Variants in AP2B1 observed in about 807,000 individuals in gnomAD.
AP2B1 encodes AP-2 complex subunit beta.
A neutral mutation model predicts 102.0 loss-of-function variants in AP2B1; 23 were observed. The observed-to-expected ratio is 0.23, with a 90% confidence interval of 0.16 to 0.32. The LOEUF is 0.32. Ranked by LOEUF, AP2B1 falls within the 10% of genes least tolerant of loss-of-function variation. The probability of loss-of-function intolerance (pLI) is 1.00; values close to 1 mark genes in which losing one functional copy is unlikely to be tolerated. For missense variants in AP2B1, 541 were observed against 1,157.4 expected, an observed-to-expected ratio of 0.47 and a Z score of 7.73; for synonymous variants, 381 against 421.2, an observed-to-expected ratio of 0.90 and a Z score of 1.17.
chr17:35,684,811 A>G (rs2075897290), intron 18 of AP2B1, among the ~76,000 whole-genome samples: 1 of 152,212 alleles, frequency 6.6e-6, no homozygotes, highest in Non-Finnish European at 1.5e-5. Flanking sequence ...GCATGCACGC[A>G]AGAATGCTTT....
intron 13 of AP2B1, among the ~76,000 whole-genome samples, chr17:35,653,656 A>G (rs1015970251): frequency 6.6e-6 from 1 of 152,020 alleles, no homozygotes; most frequent in African/African-American, 2.4e-5. Context: ...TTGTACTTTT[A>G]GTAGAGGTAG....
intron 7 of AP2B1, 61 bp downstream of exon 7, chr17:35,626,903 T>C: frequency 7.0e-7 from 1 of 1,424,640 alleles, no homozygotes; most frequent in South Asian, 1.2e-5. Flanking sequence ...CTTAATAATG[T>C]CAATGTTAAT....
chr17:35,692,982 G>GT (rs1013388461), intron 18 of AP2B1, among the ~76,000 whole-genome samples: 10 of 129,490 alleles, frequency 7.7e-5, no homozygotes, highest in Admixed American at 6.8e-4. Flanking sequence ...TTTATTTGGC[G>GT]TTTTTTTATG....
chr17:35,706,581 C>T (rs115381779), intron 18 of AP2B1, among the ~76,000 whole-genome samples: 149 of 152,102 alleles, frequency 9.8e-4, no homozygotes, highest in African/African-American at 3.5e-3. Flanking sequence ...CAAAGATAAT[C>T]ACTTGCATTT....
At chr17:35,663,263 A>G (rs994255294) in intron 14 of AP2B1, among the ~76,000 whole-genome samples, 6 of 152,194 alleles carry the variant, frequency 3.9e-5, no homozygotes, top group African/African-American at 9.7e-5. Context: ...GTATCAGTGC[A>G]TACGTTTAGT....
At chr17:35,603,746 A>G (rs2073566772) in intron 3 of AP2B1, among the ~76,000 whole-genome samples, 1 of 152,238 alleles carries the variant, frequency 6.6e-6, no homozygotes, top group Non-Finnish European at 1.5e-5. Flanking sequence ...AAGAATATGA[A>G]CTTTAAAAAG....
In AP2B1 at chr17:35,594,072, G is replaced by A. The variant is rs1398563946; in HGVS notation, c.37+5G>A. On this transcript the variant is annotated splice_donor_5th_base_variant and intron_variant, in intron 2 of 21. Coordinates refer to ENST00000610402, the MANE Select transcript of AP2B1 (RefSeq NM_001030006.2). The stretch of plus-strand genomic sequence containing the variant: ...ATTTCACAACCAATAAAAAAGGTAA[G>A]TATGAGAATACAATCAAATCTTTTG... 1 of 1,583,194 alleles carries A rather than the reference G, an allele frequency of 6.3e-7. No homozygotes were observed. The highest frequency in any genetic ancestry group is 8.6e-7 in the Non-Finnish European group (1 of 1,161,290).
chr17:35,657,861 T>C (rs2075268323), intron 14 of AP2B1, 70 bp downstream of exon 14: 2 of 1,435,722 alleles, frequency 1.4e-6, no homozygotes, highest in South Asian at 1.3e-5. Flanking sequence ...TTTTAAATTA[T>C]TCAGCTTTTT....
chr17:35,705,638 C>T (rs746558562), intron 18 of AP2B1, among the ~76,000 whole-genome samples: 13 of 152,164 alleles, frequency 8.5e-5, no homozygotes, highest in Non-Finnish European at 1.5e-4. Context: ...TCTCCCACTT[C>T]AGCCTCCTGA....
intron 9 of AP2B1, among the ~76,000 whole-genome samples, chr17:35,635,184 G>A (rs148711424): frequency 0.018 from 2,804 of 152,252 alleles, 95 homozygotes; most frequent in African/African-American, 0.063. Flanking sequence ...CTCCCAAGTA[G>A]CTGGGATTAC....
chr17:35,630,443 G>T (rs1218059616), intron 9 of AP2B1, among the ~76,000 whole-genome samples: 1 of 152,092 alleles, frequency 6.6e-6, no homozygotes, highest in African/African-American at 2.4e-5. Flanking sequence ...TAGTATTAAT[G>T]TAGATAATTT....
At chr17:35,663,461 T>C (rs2075399593) in intron 14 of AP2B1, among the ~76,000 whole-genome samples, 1 of 152,232 alleles carries the variant, frequency 6.6e-6, no homozygotes. Flanking sequence ...AGGGCTTCTT[T>C]AAAACTTCAA....
At chr17:35,590,860 TA>T (rs2073072383) in intron 1 of AP2B1, among the ~76,000 whole-genome samples, 2 of 152,186 alleles carry the variant, frequency 1.3e-5, no homozygotes, top group African/African-American at 2.4e-5. Context: ...AGACTTAGGT[TA>T]ATTTATTGTT....
At chr17:35,666,834 C>A (rs184289359) in intron 14 of AP2B1, among the ~76,000 whole-genome samples, 168 of 152,268 alleles carry the variant, frequency 1.1e-3, no homozygotes, top group African/African-American at 3.8e-3. Context: ...GACAGATGAA[C>A]CTGAATCCCA....
At chr17:35,650,227 GGCATGA>G (rs1161976170) in intron 12 of AP2B1, among the ~76,000 whole-genome samples, 1 of 152,126 alleles carries the variant, frequency 6.6e-6, no homozygotes, top group Non-Finnish European at 1.5e-5. Flanking sequence ...TGGGATTACA[GGCATGA>G]GCCACTGCGC....
chr17:35,662,532 GTT>G lies in AP2B1; in HGVS notation c.1989+4759_1989+4760del, dbSNP rs34547701. 9.5e-3 allele frequency among the ~76,000 whole-genome samples: 1,041 copies of G among 110,096 alleles called. 4 individuals carry two copies. The highest frequency in any genetic ancestry group is 0.013 in the Admixed American group (142 of 10,928). The allele number at this position is 110,096 out of a possible 152,430, so 72.2% of individuals were successfully genotyped here. A position where few individuals can be genotyped will look rare whatever the true frequency, so the allele number is the denominator to read the frequency against. ...TGTGGAGTTTTTTGGGTTTGGGTTT[GTT>G]TTTTTTTTTTTTTTTTTATGACTCT... is the stretch of plus-strand genomic sequence containing the variant. On this transcript the variant is annotated intron_variant, in intron 14 of 21. Transcript: ENST00000610402.
rs1414262902 is a variant in AP2B1 at position 35,724,557 on chromosome 17, AC to A, written c.*863del. On this transcript the variant is annotated 3_prime_UTR_variant, in exon 22 of 22. Transcript: ENST00000610402. ...ACAAGAACCCAGATGCTGTCCCCTC[AC>A]CCCCTCTCCTGTATTTCTCAGGTCC... The A allele has an allele frequency of 6.6e-6, 1 of 151,954 alleles. No homozygotes were observed. The highest frequency in any genetic ancestry group is 2.4e-5 in the African/African-American group (1 of 41,352). The allele number at this position is 151,954 out of a possible 1,614,324, so 9.4% of individuals were successfully genotyped here.
chr17:35,629,537 A>G (rs912246806), intron 9 of AP2B1, among the ~76,000 whole-genome samples: 4 of 151,926 alleles, frequency 2.6e-5, no homozygotes, highest in African/African-American at 9.7e-5. Flanking sequence ...GATATGAATG[A>G]TTCGTTTTTT....
intron 18 of AP2B1, among the ~76,000 whole-genome samples, chr17:35,693,799 AATAT>A (rs1359721957): frequency 5.3e-5 from 8 of 152,202 alleles, no homozygotes; most frequent in Non-Finnish European, 8.8e-5. Context: ...TCCTGACAGT[AATAT>A]GTATATGTAT....
Sources: allele counts gnomAD v4.1 joint callset (sites outside exome capture counted in the v4.1 genomes callset), GRCh38; gene constraint gnomAD v4.1.1; transcripts MANE v1.5; gene names NCBI Gene and HGNC (gene_info 2026-07-23, HGNC 2026-07-21).